The following H2BC18 variants were observed in gnomAD, a reference collection of about 807,000 sequenced individuals.
H2BC18 encodes the protein H2B clustered histone 18.
Under a neutral mutation model 6.3 loss-of-function variants are expected in H2BC18, and 8 were observed. The ratio of observed to expected loss-of-function variants is 1.28; its 90% CI spans 0.75 to 2.31. The LOEUF (loss-of-function observed/expected upper bound fraction) is 2.31. H2BC18 is among the 30% of genes most tolerant of loss of function. The pLI, the probability that H2BC18 is intolerant of heterozygous loss-of-function variation, is 0.00. For synonymous variants in H2BC18, 104 were observed against 78.1 expected (o/e 1.33, Z -1.75); for missense variants, 106 against 174.5 (o/e 0.61, Z 2.21).
downstream of H2BC18, chr1:149,810,519 G>A (rs1421233659): frequency 8.6e-5 from 13 of 151,892 alleles, no homozygotes; most frequent in Admixed American, 7.2e-4. Context: ...TATCAAGAAT[G>A]GCTTAATTTC....
intron 1 of H2BC18, among the ~76,000 whole-genome samples, chr1:149,800,249 C>T (rs2091852125): frequency 6.6e-6 from 1 of 152,240 alleles, no homozygotes; most frequent in Non-Finnish European, 1.5e-5. Context: ...GTGCGCCGCC[C>T]TTCAGGAACC....
At chr1:149,784,312 C>T in intron 1 of H2BC18, 1 of 1,610,496 alleles carries the variant, frequency 6.2e-7, no homozygotes, top group Non-Finnish European at 8.5e-7. Flanking sequence ...CCTCTGCGTT[C>T]TCTCCTTTCT....
rs587655189 is a variant in H2BC18, at chr1:149,793,294, G to T, written c.378-10034C>A. On this transcript the variant is annotated intron_variant, in intron 1 of 1. Transcript: ENST00000545683. ...AGTGGGAGAGGCCGCCCGCCTCCCC[G>T]TCCAGCTCGGAGGACCTCCCAGCTG... 1.0e-5 allele frequency: 12 copies of T among 1,190,956 alleles called. No homozygotes were observed. In the Admixed American group the frequency reaches 2.7e-4, roughly 27 times the overall value. The allele number at this position is 1,190,956 out of a possible 1,614,324, so 73.8% of individuals were successfully genotyped here. A position where few individuals can be genotyped will look rare whatever the true frequency, so the allele number is the denominator to read the frequency against.
intron 1 of H2BC18, among the ~76,000 whole-genome samples, chr1:149,798,700 C>G (rs2101462562): frequency 6.6e-6 from 1 of 152,214 alleles, no homozygotes; most frequent in East Asian, 1.9e-4. Flanking sequence ...CAGCCTTGAC[C>G]TCCTAGGCTC....
At chr1:149,797,472 G>A (rs1389562996) in intron 1 of H2BC18, among the ~76,000 whole-genome samples, 15 of 151,912 alleles carry the variant, frequency 9.9e-5, no homozygotes, top group Admixed American at 2.6e-4. Context: ...TTTCTTTTCA[G>A]GGAACACGGT....
chr1:149,791,188 C>T, intron 1 of H2BC18: 1 of 1,605,636 alleles, frequency 6.2e-7, no homozygotes, highest in Non-Finnish European at 8.5e-7. Flanking sequence ...CAGCTAGACC[C>T]CTCTGGTCTC....
chr1:149,809,098 C>T (rs2091949182), downstream of H2BC18, among the ~76,000 whole-genome samples: 1 of 133,618 alleles, frequency 7.5e-6, no homozygotes, highest in Admixed American at 7.8e-5. Context: ...ATCTCAATGC[C>T]CTGACCCAGG....
downstream of H2BC18, chr1:149,811,726 T>C (rs1571425495): frequency 1.2e-5 from 8 of 676,310 alleles, no homozygotes; most frequent in East Asian, 2.2e-4. Context: ...TCAGTAAGAC[T>C]GGACGGGGAT....
rs1322099378 is a variant in H2BC18 at position 149,812,344 on chromosome 1, AAGAGACTT to A, written c.-29_-22del. 4 of 1,613,926 alleles carry A rather than the reference AAGAGACTT, an allele frequency of 2.5e-6. No individual in the cohort carries two copies. Among genetic ancestry groups the A allele is most frequent in the Non-Finnish European group, 3.4e-6 (4 of 1,180,002 alleles). ...GGCATTTTTGCGCGAAAAAAGAGAAAAGAGACTTAAAGAAGTAATCCGAACTACCGCAA... is the reference window on the plus strand; with the variant it reads ...GGCATTTTTGCGCGAAAAAAGAGAAAAAAGAAGTAATCCGAACTACCGCAA... On this transcript the variant is annotated 5_prime_UTR_variant, in exon 1 of 1. Coordinates refer to ENST00000369167, the MANE Select transcript of H2BC18 (RefSeq NM_001024599.5).
intron 1 of H2BC18, chr1:149,788,619 T>C: frequency 6.2e-7 from 1 of 1,613,848 alleles, no homozygotes; most frequent in Non-Finnish European, 8.5e-7. Flanking sequence ...CTGTGAAAGG[T>C]ATTGTATTGG....
intron 1 of H2BC18, among the ~76,000 whole-genome samples, chr1:149,795,303 T>TGA (rs2091788665): frequency 1.4e-5 from 2 of 146,636 alleles, no homozygotes; most frequent in East Asian, 2.0e-4. Context: ...AATAAATGAT[T>TGA]ATTACCAGTC....
At chr1:149,809,069 TGAAAA>T (rs1238481263), downstream of H2BC18, among the ~76,000 whole-genome samples, 1 of 137,546 alleles carries the variant, frequency 7.3e-6, no homozygotes, top group African/African-American at 2.8e-5. Flanking sequence ...CACCAATCCT[TGAAAA>T]GATTATGTAA....
chr1:149,784,527 G>A (rs1440715041), intron 1 of H2BC18, among the ~76,000 whole-genome samples: 1 of 151,918 alleles, frequency 6.6e-6, no homozygotes, highest in Non-Finnish European at 1.5e-5. Context: ...CCAAATGTAT[G>A]CCTGTACATA....
chr1:149,812,120 G>A lies in H2BC18; in HGVS notation c.204C>T (p.Asn68=). Residue 68 remains asparagine, a synonymous_variant, in exon 1 of 1, where the codon AAC becomes AAT. Transcript: ENST00000369167. The part of the protein sequence containing the change: ...KAMGIMNSFV[N]DIFERIAGEA... ...CTCCCGCGATGCGCTCGAAGATGTC[G>A]TTGACGAAGGAGTTCATGATGCCCA... The A allele has an allele frequency of 1.2e-6, 2 of 1,614,270 alleles. No individual in the cohort carries two copies. The highest frequency in any genetic ancestry group is 1.1e-5 in the South Asian group (1 of 91,090).
chr1:149,807,520 G>T (rs1249624287), downstream of H2BC18, among the ~76,000 whole-genome samples: 7 of 66,158 alleles, frequency 1.1e-4, 1 homozygote, highest in African/African-American at 3.9e-4. Flanking sequence ...GCGGGGGGGG[G>T]GGGGGGCGGG....
At position 149,788,665 on chromosome 1, in the gene H2BC18, G is replaced by A. The variant is rs782319052; in HGVS notation, c.378-5405C>T. The A allele has an allele frequency of 2.5e-6, 4 of 1,605,928 alleles. No homozygotes were observed. The South Asian group carries it at 3.3e-5, about 13-fold the overall frequency. The stretch of plus-strand genomic sequence containing the variant: ...GAACTGATAGTCCCTCCCCCTGAGG[G>A]ACCATCATAAATATTCTAAACTCCT... On this transcript the variant is annotated intron_variant, in intron 1 of 1. Coordinates refer to the H2BC18 transcript ENST00000545683.
At chr1:149,808,134 GA>G (rs143546573), downstream of H2BC18, among the ~76,000 whole-genome samples, 7,919 of 152,172 alleles carry the variant, frequency 0.052, 260 homozygotes, top group Non-Finnish European at 0.079. Flanking sequence ...AATAAAAATG[GA>G]ATGAGAATTC....
At chr1:149,799,839 C>A (rs1553753120) in intron 1 of H2BC18, among the ~76,000 whole-genome samples, 2 of 152,182 alleles carry the variant, frequency 1.3e-5, no homozygotes, top group Non-Finnish European at 2.9e-5. Flanking sequence ...GTTTCCTGTG[C>A]TTTCACACTA....
At chr1:149,790,646 C>T (rs2102061311) in intron 1 of H2BC18, among the ~76,000 whole-genome samples, 1 of 150,618 alleles carries the variant, frequency 6.6e-6, no homozygotes, top group South Asian at 2.2e-4. Flanking sequence ...ACTCTTCCCT[C>T]CACTCCATGA....
Sources: allele counts gnomAD v4.1 joint callset (sites outside exome capture counted in the v4.1 genomes callset), GRCh38; gene constraint gnomAD v4.1.1; transcripts MANE v1.5; gene names NCBI Gene and HGNC (gene_info 2026-07-23, HGNC 2026-07-21).